The following CHSY3 variants were observed in gnomAD, a reference collection of about 807,000 sequenced individuals.
CHSY3 encodes the protein chondroitin sulfate synthase 3.
A neutral mutation model predicts 67.2 loss-of-function variants in CHSY3; 35 were observed. The ratio of observed to expected loss-of-function variants is 0.52; its 90% confidence interval spans 0.40 to 0.69. The LOEUF is 0.69. Among genes scored for constraint, CHSY3 ranks in the 30% least tolerant of loss-of-function variants. The pLI is 0.00. For missense variants in CHSY3, 1,069 were observed against 1,138.5 expected (o/e 0.94, Z 0.88); for synonymous variants, 474 against 434.7 (o/e 1.09, Z -1.12).
At chr5:130,081,476 A>G (rs966723034) in intron 2 of CHSY3, among the ~76,000 whole-genome samples, 1 of 152,030 alleles carries the variant, frequency 6.6e-6, no homozygotes, top group Admixed American at 6.6e-5. Context: ...TGTGATGATT[A>G]AATTAGATAG....
At chr5:130,089,728 C>A (rs1766812286) in intron 2 of CHSY3, among the ~76,000 whole-genome samples, 1 of 152,068 alleles carries the variant, frequency 6.6e-6, no homozygotes. Flanking sequence ...CTGGATTTCT[C>A]TTATTTTGTT....
chr5:129,920,986 CTTTTTTAT>C (rs1760903878), intron 2 of CHSY3, among the ~76,000 whole-genome samples: 1 of 152,084 alleles, frequency 6.6e-6, no homozygotes, highest in Non-Finnish European at 1.5e-5. Context: ...GCCCATCTAA[CTTTTTTAT>C]TTTTTTGTAG....
At chr5:129,909,737 A>G (rs188365036) in intron 2 of CHSY3, among the ~76,000 whole-genome samples, 1 of 152,178 alleles carries the variant, frequency 6.6e-6, no homozygotes, top group East Asian at 1.9e-4. Flanking sequence ...AAAGTAAAAG[A>G]CAAAAATATT....
intron 2 of CHSY3, among the ~76,000 whole-genome samples, chr5:129,994,710 T>C (rs1580626893): frequency 6.6e-6 from 1 of 152,134 alleles, no homozygotes; most frequent in Non-Finnish European, 1.5e-5. Context: ...TGGAATACTA[T>C]GCAGCCATAA....
chr5:130,027,864 T>A (rs1561503787), intron 2 of CHSY3, among the ~76,000 whole-genome samples: 2 of 152,184 alleles, frequency 1.3e-5, no homozygotes, highest in Non-Finnish European at 2.9e-5. Flanking sequence ...CTTAATCCAG[T>A]CTATCATTGA....
At chr5:130,077,393 CA>C (rs1279975998) in intron 2 of CHSY3, among the ~76,000 whole-genome samples, 1 of 152,012 alleles carries the variant, frequency 6.6e-6, no homozygotes, top group African/African-American at 2.4e-5. Flanking sequence ...GGCAGAAGCC[CA>C]AACAGGAATT....
chr5:130,078,114 ATATCT>A (rs1766332043), intron 2 of CHSY3, among the ~76,000 whole-genome samples: 1 of 152,024 alleles, frequency 6.6e-6, no homozygotes, highest in Non-Finnish European at 1.5e-5. Context: ...GCAAGGTGAA[ATATCT>A]TATAAGTGTT....
At position 129,905,859 on chromosome 5, in the gene CHSY3, C is replaced by G. The variant is rs1229139412; in HGVS notation, c.802+228C>G. 6.3e-6 allele frequency: 6 copies of G among 946,244 alleles called. No individual in the cohort carries two copies. The African/African-American group carries it at 1.0e-4, about 16-fold the overall frequency. 58.6% of individuals were successfully genotyped at this position (946,244 alleles called of 1,614,324 possible). A position where few individuals can be genotyped will look rare whatever the true frequency, so the allele number is the denominator to read the frequency against. ...CCTCACACCTGCCTGGCTTTATTCG[C>G]CTTCCTCACTTGCTGTTTTCGGTGC... On this transcript the variant is annotated intron_variant, in intron 1 of 2. Coordinates refer to ENST00000305031, the MANE Select transcript of CHSY3 (RefSeq NM_175856.5).
intron 2 of CHSY3, among the ~76,000 whole-genome samples, chr5:130,138,067 A>G (rs1768723587): frequency 6.6e-6 from 1 of 152,144 alleles, no homozygotes; most frequent in South Asian, 2.1e-4. Flanking sequence ...AAAAAATACA[A>G]ATACAAAATA....
chr5:130,039,294 C>G (rs1360558542), intron 2 of CHSY3, among the ~76,000 whole-genome samples: 2 of 151,948 alleles, frequency 1.3e-5, no homozygotes, highest in Non-Finnish European at 2.9e-5. Context: ...TAAGACCAGC[C>G]TGGACAAAAT....
At chr5:130,075,465 A>G (rs900939611) in intron 2 of CHSY3, among the ~76,000 whole-genome samples, 2 of 152,050 alleles carry the variant, frequency 1.3e-5, no homozygotes, top group African/African-American at 4.8e-5. Context: ...CTTTCTGTTC[A>G]TTTTTATTTA....
At chr5:130,177,235 A>G (rs2189375) in intron 2 of CHSY3, among the ~76,000 whole-genome samples, 131,826 of 144,430 alleles carry the variant, frequency 0.91, 60,166 homozygotes, top group East Asian at 1. Context: ...GTGTGTGTGT[A>G]TATATATATA....
At chr5:130,172,325 C>CTTTTTT (rs148048268) in intron 2 of CHSY3, among the ~76,000 whole-genome samples, 1 of 30,234 alleles carries the variant, frequency 3.3e-5, no homozygotes, top group African/African-American at 5.6e-5. Flanking sequence ...CTTTTCTTTT[C>CTTTTTT]TTTTTTTTTT....
intron 2 of CHSY3, among the ~76,000 whole-genome samples, chr5:129,999,138 G>C (rs113195903): frequency 2.9e-4 from 25 of 84,792 alleles, no homozygotes; most frequent in Non-Finnish European, 5.7e-4. Context: ...TTTTTTTTTT[G>C]TTTCCTGTGT....
At chr5:130,143,752 A>G (rs1768956272) in intron 2 of CHSY3, among the ~76,000 whole-genome samples, 4 of 119,290 alleles carry the variant, frequency 3.4e-5, no homozygotes, top group African/African-American at 1.5e-4. Context: ...ATATATATAT[A>G]TATATGTGTG....
rs180795273 is a variant in CHSY3, at chr5:130,074,220, G to A, written c.1087-110009G>A. Reference sequence around the variant, plus strand: ...TGAGTAGCTGGGACTACAGTTGCACGCCATGACGCCTAGCTAATTTTTGTA... The same window carrying A: ...TGAGTAGCTGGGACTACAGTTGCACACCATGACGCCTAGCTAATTTTTGTA... On this transcript the variant is annotated intron_variant, in intron 2 of 2. Transcript: ENST00000305031. Among the ~76,000 whole-genome samples, 681 of 151,940 alleles carry A rather than the reference G, an allele frequency of 4.5e-3. 7 individuals carry two copies. The highest frequency in any genetic ancestry group is 7.1e-3 in the Non-Finnish European group (480 of 67,926).
intron 2 of CHSY3, among the ~76,000 whole-genome samples, chr5:129,958,348 G>T (rs936052481): frequency 1.3e-4 from 20 of 152,022 alleles, no homozygotes; most frequent in African/African-American, 4.6e-4. Flanking sequence ...TTCCAGCTGG[G>T]CCTTTCTTGG....
intron 2 of CHSY3, among the ~76,000 whole-genome samples, chr5:130,083,687 C>A (rs1206535767): frequency 1.3e-5 from 2 of 151,964 alleles, no homozygotes; most frequent in Admixed American, 6.6e-5. Flanking sequence ...TTCTCCAATG[C>A]GTCTTTCTAA....
At chr5:129,933,214 ACT>A (rs955285390) in intron 2 of CHSY3, among the ~76,000 whole-genome samples, 2 of 152,122 alleles carry the variant, frequency 1.3e-5, no homozygotes, top group African/African-American at 2.4e-5. Flanking sequence ...CCCGGTGCAA[ACT>A]CTGTTAGCCT....
Sources: gnomAD v4.1 joint callset for allele counts (sites outside exome capture counted in the v4.1 genomes callset) on GRCh38, gnomAD v4.1.1 for gene constraint, MANE v1.5 for transcripts, NCBI Gene and HGNC (gene_info 2026-07-23, HGNC 2026-07-21) for gene names.